GRID1: variants seen among roughly 807,000 people sequenced by gnomAD.
GRID1 encodes the protein glutamate ionotropic receptor delta type subunit 1.
GRID1 carries 28 observed loss-of-function variants against 98.0 expected under a neutral mutation model. The ratio of observed to expected loss-of-function variants is 0.29; its 90% CI spans 0.21 to 0.39. The LOEUF (loss-of-function observed/expected upper bound fraction) is 0.39, where lower values mean the gene tolerates loss of function less well. Ranked by LOEUF, GRID1 falls within the 10% of genes least tolerant of loss-of-function variation. The pLI, the probability that GRID1 is intolerant of heterozygous loss-of-function variation, is 1.00. For synonymous variants in GRID1, 553 were observed against 538.5 expected (o/e 1.03, Z -0.37); for missense variants, 1,111 against 1,340.5 (o/e 0.83, Z 2.67).
intron 8 of GRID1, among the ~76,000 whole-genome samples, chr10:85,808,618 G>A (rs1016762042): frequency 1.6e-4 from 24 of 152,178 alleles, no homozygotes; most frequent in African/African-American, 5.5e-4. Context: ...GGGAGGTTAT[G>A]CCTTCAGTGC....
chr10:85,842,566 A>C (rs994509636), intron 8 of GRID1, among the ~76,000 whole-genome samples: 2 of 152,068 alleles, frequency 1.3e-5, no homozygotes, highest in Non-Finnish European at 1.5e-5. Flanking sequence ...GAATAACACA[A>C]GAGATACTAT....
intron 2 of GRID1, among the ~76,000 whole-genome samples, chr10:86,305,617 C>A (rs1847749303): frequency 6.6e-6 from 1 of 152,138 alleles, no homozygotes; most frequent in African/African-American, 2.4e-5. Context: ...GCAGACATTT[C>A]TCGGTTTGCC....
At chr10:85,859,395 G>A (rs1843143533) in intron 6 of GRID1, among the ~76,000 whole-genome samples, 1 of 151,964 alleles carries the variant, frequency 6.6e-6, no homozygotes, top group Non-Finnish European at 1.5e-5. Flanking sequence ...AGTGATGGAT[G>A]GATGGATGGA....
chr10:86,115,150 C>G (rs79232515), intron 4 of GRID1, among the ~76,000 whole-genome samples: 1 of 152,110 alleles, frequency 6.6e-6, no homozygotes, highest in Non-Finnish European at 1.5e-5. Flanking sequence ...GGGGAAGAGA[C>G]AGAAACAGGA....
intron 2 of GRID1, among the ~76,000 whole-genome samples, chr10:86,299,486 GC>G (rs1233145712): frequency 1.6e-5 from 2 of 128,846 alleles, no homozygotes; most frequent in Non-Finnish European, 1.6e-5. Flanking sequence ...CTCCCCCCTC[GC>G]CCCCCTCCCC....
At chr10:85,903,789 A>C (rs1209377367) in intron 5 of GRID1, among the ~76,000 whole-genome samples, 1 of 152,002 alleles carries the variant, frequency 6.6e-6, no homozygotes, top group Non-Finnish European at 1.5e-5. Context: ...ACAGACTCCC[A>C]CTCAGAGACT....
chr10:86,226,841 C>A (rs1287418786), intron 2 of GRID1, among the ~76,000 whole-genome samples: 1 of 151,718 alleles, frequency 6.6e-6, no homozygotes, highest in Non-Finnish European at 1.5e-5. Flanking sequence ...TGAGCTCAGC[C>A]AGCTTGCACA....
chr10:85,997,638 C>A (rs1842755926), intron 4 of GRID1, among the ~76,000 whole-genome samples: 2 of 149,842 alleles, frequency 1.3e-5, no homozygotes, highest in African/African-American at 2.5e-5. Context: ...TTTTAATAAC[C>A]CAAAAGAAGG....
At chr10:85,656,841 C>A (rs1840900825) in intron 12 of GRID1, among the ~76,000 whole-genome samples, 1 of 152,184 alleles carries the variant, frequency 6.6e-6, no homozygotes, top group Non-Finnish European at 1.5e-5. Context: ...CTTGCTTCCA[C>A]CTTTAACCCC....
chr10:85,772,971 T>G (rs11517196), intron 8 of GRID1, among the ~76,000 whole-genome samples: 18,136 of 152,194 alleles, frequency 0.12, 1,248 homozygotes, highest in Middle Eastern at 0.22. Flanking sequence ...TAACTCATTT[T>G]ATGAGGCCAG....
rs1848670482 is a variant in GRID1, at chr10:86,365,947, T to TACCTCCCCCTGCCCCCCGCTGC, written c.79+345_79+366dup. 4.1e-5 allele frequency among the ~76,000 whole-genome samples: 6 copies of TACCTCCCCCTGCCCCCCGCTGC among 146,544 alleles called. No homozygotes were observed. In the South Asian group the frequency reaches 1.3e-3, roughly 32 times the overall value. On this transcript the variant is annotated intron_variant, in intron 1 of 15. Transcript: ENST00000327946. The surrounding 1 kb of genome is among the most constrained non-coding windows in gnomAD (Gnocchi z 4.8). ...TGCCAACTTGGCGAGCCCCCCGCTG[T>TACCTCCCCCTGCCCCCCGCTGC]ACCTCCCCCTGCCCCCCGCTGCTCT...
At chr10:85,798,637 C>T (rs1395669441) in intron 8 of GRID1, among the ~76,000 whole-genome samples, 1 of 152,050 alleles carries the variant, frequency 6.6e-6, no homozygotes, top group Non-Finnish European at 1.5e-5. Context: ...TTTTCATATA[C>T]ATACTGTCTC....
At chr10:85,924,325 G>T (rs932478988) in intron 4 of GRID1, among the ~76,000 whole-genome samples, 1 of 152,164 alleles carries the variant, frequency 6.6e-6, no homozygotes, top group Non-Finnish European at 1.5e-5. Flanking sequence ...TTAACATTGT[G>T]CCATGCAAAG....
intron 2 of GRID1, among the ~76,000 whole-genome samples, chr10:86,270,463 G>A (rs956810362): frequency 2.6e-5 from 4 of 152,210 alleles, no homozygotes; most frequent in Non-Finnish European, 5.9e-5. Flanking sequence ...ACCAAGGCGG[G>A]TGGATCACTT....
At chr10:85,844,790 A>G (rs12259291) in intron 8 of GRID1, among the ~76,000 whole-genome samples, 10,437 of 152,142 alleles carry the variant, frequency 0.069, 395 homozygotes, top group Non-Finnish European at 0.081. Flanking sequence ...GCACCAACAA[A>G]AAGGAATACA....
At chr10:85,647,980 C>T (rs1843218277) in intron 12 of GRID1, 1 of 152,262 alleles carries the variant, frequency 6.6e-6, no homozygotes, top group South Asian at 2.1e-4. Flanking sequence ...GGGGTCTAGC[C>T]AAGTATTGAC....
intron 2 of GRID1, among the ~76,000 whole-genome samples, chr10:86,257,488 C>T (rs566820425): frequency 1.3e-5 from 2 of 152,318 alleles, no homozygotes; most frequent in Non-Finnish European, 2.9e-5. Flanking sequence ...AAAGACTCAA[C>T]TAGGAGCTTG....
At chr10:86,141,518 C>A (rs921704946) in intron 3 of GRID1, among the ~76,000 whole-genome samples, 2 of 152,218 alleles carry the variant, frequency 1.3e-5, no homozygotes, top group Admixed American at 6.5e-5. Context: ...CAGCACCCAG[C>A]GGCCACCCAC....
intron 2 of GRID1, among the ~76,000 whole-genome samples, chr10:86,220,163 A>C (rs1846232442): frequency 6.6e-6 from 1 of 152,142 alleles, no homozygotes; most frequent in South Asian, 2.1e-4. Flanking sequence ...TCATTCATTC[A>C]TTTACCAATC....
Sources: gnomAD v4.1 joint callset for allele counts (sites outside exome capture counted in the v4.1 genomes callset) on GRCh38, gnomAD v4.1.1 for gene constraint, Gnocchi (gnomAD v3.1) non-coding constraint, MANE v1.5 for transcripts, NCBI Gene and HGNC (gene_info 2026-07-23, HGNC 2026-07-21) for gene names.